Variants in PARD3 observed in about 807,000 individuals in gnomAD.
The protein encoded by PARD3 is par-3 family cell polarity regulator.
A neutral mutation model predicts 155.4 loss-of-function variants in PARD3; 75 were observed. That is an observed-to-expected ratio of 0.48 (90% CI 0.40 to 0.58). The LOEUF (loss-of-function observed/expected upper bound fraction) is 0.58. Among genes scored for constraint, PARD3 ranks in the 20% least tolerant of loss-of-function variants. The probability of loss-of-function intolerance (pLI) is 0.00; values close to 1 mark genes in which losing one functional copy is unlikely to be tolerated. For missense variants in PARD3, 1,642 were observed against 1,721.7 expected, an observed-to-expected ratio of 0.95 and a Z score of 0.82; for synonymous variants, 576 against 610.5, an observed-to-expected ratio of 0.94 and a Z score of 0.83.
intron 22 of PARD3, among the ~76,000 whole-genome samples, chr10:34,182,155 C>T (rs537655680): frequency 5.9e-4 from 90 of 152,232 alleles, no homozygotes; most frequent in Non-Finnish European, 9.3e-4. Context: ...AGGAGGAGTC[C>T]GAGCGCTGGA....
At chr10:34,398,517 G>A (rs1468417823) in intron 7 of PARD3, among the ~76,000 whole-genome samples, 1 of 152,128 alleles carries the variant, frequency 6.6e-6, no homozygotes, top group African/African-American at 2.4e-5. Context: ...AGCCAAAATA[G>A]GTCATTAGAG....
chr10:34,590,433 A>G (rs981389265), intron 2 of PARD3, among the ~76,000 whole-genome samples: 1 of 152,250 alleles, frequency 6.6e-6, no homozygotes, highest in African/African-American at 2.4e-5. Context: ...GAGAAAAGAC[A>G]TAAGCATTCA....
intron 23 of PARD3, among the ~76,000 whole-genome samples, chr10:34,130,378 C>T (rs907987828): frequency 1.3e-5 from 2 of 152,158 alleles, no homozygotes; most frequent in African/African-American, 2.4e-5. Context: ...TCTTCCAACC[C>T]CCACTAAAGA....
intron 23 of PARD3, among the ~76,000 whole-genome samples, chr10:34,121,773 G>A (rs935144059): frequency 2.0e-5 from 3 of 152,194 alleles, no homozygotes; most frequent in African/African-American, 7.2e-5. Flanking sequence ...AATGTGTGAG[G>A]AGATTAGGCT....
At chr10:34,148,308 G>GTTA (rs2132936743) in intron 22 of PARD3, among the ~76,000 whole-genome samples, 1 of 152,224 alleles carries the variant, frequency 6.6e-6, no homozygotes, top group Admixed American at 6.5e-5. Flanking sequence ...CTGACATGAA[G>GTTA]CTACATTAAG....
intron 2 of PARD3, among the ~76,000 whole-genome samples, chr10:34,689,589 C>T (rs950899006): frequency 2.6e-5 from 4 of 152,114 alleles, no homozygotes; most frequent in Admixed American, 6.6e-5. Flanking sequence ...ATAAAATTGT[C>T]TAAAGTGTTA....
intron 2 of PARD3, among the ~76,000 whole-genome samples, chr10:34,661,109 T>A (rs1348449395): frequency 6.6e-6 from 1 of 152,168 alleles, no homozygotes; most frequent in Admixed American, 6.5e-5. Flanking sequence ...TGGAGATAGT[T>A]TGAGGATTCT....
chr10:34,671,074 G>A (rs948481566), intron 2 of PARD3, among the ~76,000 whole-genome samples: 1 of 152,220 alleles, frequency 6.6e-6, no homozygotes, highest in African/African-American at 2.4e-5. Flanking sequence ...GGCTGCTCTT[G>A]CAAAAGTTAC....
At chr10:34,426,303 A>G (rs1471503079) in intron 5 of PARD3, among the ~76,000 whole-genome samples, 1 of 152,226 alleles carries the variant, frequency 6.6e-6, no homozygotes, top group Non-Finnish European at 1.5e-5. Context: ...CATGGTGAAC[A>G]TTCAGCAAAC....
intron 1 of PARD3, among the ~76,000 whole-genome samples, chr10:34,777,469 C>T (rs113385430): frequency 2.0e-5 from 3 of 152,230 alleles, no homozygotes; most frequent in Non-Finnish European, 4.4e-5. Flanking sequence ...TCTCCCCGCA[C>T]AGGGGGCTCT....
chr10:34,123,609 A>C (rs7918987), intron 23 of PARD3, among the ~76,000 whole-genome samples: 38,538 of 151,232 alleles, frequency 0.25, 5,174 homozygotes, highest in Middle Eastern at 0.39. Flanking sequence ...TTTTCTTTTT[A>C]ATTTTTGTAG....
chr10:34,392,218 A>C (rs1842928750), intron 7 of PARD3, among the ~76,000 whole-genome samples: 1 of 152,194 alleles, frequency 6.6e-6, no homozygotes, highest in Non-Finnish European at 1.5e-5. Flanking sequence ...ATGTGATTTC[A>C]TTTTTCAGCT....
At chr10:34,297,535 A>G (rs1956963211) in intron 20 of PARD3, among the ~76,000 whole-genome samples, 1 of 152,210 alleles carries the variant, frequency 6.6e-6, no homozygotes, top group Non-Finnish European at 1.5e-5. Context: ...CTAAACATTC[A>G]TCTCCTCCTC....
chr10:34,218,968 A>C (rs2133455821), intron 22 of PARD3, among the ~76,000 whole-genome samples: 1 of 152,322 alleles, frequency 6.6e-6, no homozygotes, highest in Middle Eastern at 3.4e-3. Context: ...AATAGTTCAA[A>C]TCATCACAGG....
In PARD3 at chr10:34,815,017, C is replaced by T. The variant is rs2134465258; in HGVS notation, c.-22G>A. On this transcript the variant is annotated 5_prime_UTR_variant, in exon 1 of 25. Transcript: ENST00000374788. ...TCATGCCGCCGCCGCCGCGGGCGGG[C>T]CCGCGCCCCTCGCCGAGCGCAGCCG... 7 of 1,415,748 alleles carry T rather than the reference C, an allele frequency of 4.9e-6. No individual in the cohort carries two copies. Among genetic ancestry groups the T allele is most frequent in the Non-Finnish European group, 4.6e-6 (5 of 1,079,470 alleles). 87.7% of individuals were successfully genotyped at this position (1,415,748 alleles called of 1,614,324 possible). A position where few individuals can be genotyped will look rare whatever the true frequency, so the allele number is the denominator to read the frequency against.
At chr10:34,303,162 A>AATT (rs1957234598) in intron 20 of PARD3, among the ~76,000 whole-genome samples, 1 of 132,002 alleles carries the variant, frequency 7.6e-6, no homozygotes, top group Non-Finnish European at 1.6e-5. Context: ...GCCCAGGTGA[A>AATT]TTTTTTTTTT....
chr10:34,711,792 C>A (rs946488751), intron 1 of PARD3, among the ~76,000 whole-genome samples: 1 of 152,106 alleles, frequency 6.6e-6, no homozygotes, highest in Non-Finnish European at 1.5e-5. Context: ...CTCCTAGCTG[C>A]CAAAAGAAAT....
chr10:34,673,593 AG>A (rs1217495803), intron 2 of PARD3, among the ~76,000 whole-genome samples: 1 of 152,202 alleles, frequency 6.6e-6, no homozygotes, highest in East Asian at 1.9e-4. Context: ...TTACTCCTTT[AG>A]GGCTGGGGTG....
chr10:34,612,901 CAAAT>C (rs2091013967), intron 2 of PARD3, among the ~76,000 whole-genome samples: 1 of 152,146 alleles, frequency 6.6e-6, no homozygotes, highest in African/African-American at 2.4e-5. Context: ...AACAGCCAAT[CAAAT>C]AAATAATGCT....
Sources: allele counts gnomAD v4.1 joint callset (sites outside exome capture counted in the v4.1 genomes callset), GRCh38; gene constraint gnomAD v4.1.1; transcripts MANE v1.5; gene names NCBI Gene and HGNC (gene_info 2026-07-23, HGNC 2026-07-21).